Variants in DLGAP1 observed in about 807,000 individuals in gnomAD.
The protein encoded by DLGAP1 is DLG associated protein 1, also known as disks large-associated protein 1.
Under a neutral mutation model 90.8 loss-of-function variants are expected in DLGAP1, and 11 were observed. The ratio of observed to expected loss-of-function variants is 0.12; its 90% CI spans 0.08 to 0.20. The LOEUF (loss-of-function observed/expected upper bound fraction) is 0.20, where lower values mean the gene tolerates loss of function less well. Among genes scored for constraint, DLGAP1 ranks in the 10% least tolerant of loss-of-function variants. The pLI, the probability that DLGAP1 is intolerant of heterozygous loss-of-function variation, is 1.00. For missense variants in DLGAP1, 1,050 were observed against 1,333.8 expected, an observed-to-expected ratio of 0.79 and a Z score of 3.31; for synonymous variants, 558 against 540.7, an observed-to-expected ratio of 1.03 and a Z score of -0.44.
intron 3 of DLGAP1, among the ~76,000 whole-genome samples, chr18:3,961,800 T>C (rs2073203182): frequency 6.6e-6 from 1 of 152,152 alleles, no homozygotes; most frequent in African/African-American, 2.4e-5. Context: ...AGGGGAAGCA[T>C]GGGCTTGGGG....
At chr18:4,172,409 A>T (rs1246067505) in intron 1 of DLGAP1, among the ~76,000 whole-genome samples, 1 of 152,216 alleles carries the variant, frequency 6.6e-6, no homozygotes, top group Non-Finnish European at 1.5e-5. Context: ...TACACAGGCA[A>T]CTTTCTAAAT....
At chr18:4,264,430 G>A (rs1798923232) in intron 1 of DLGAP1, among the ~76,000 whole-genome samples, 1 of 152,180 alleles carries the variant, frequency 6.6e-6, no homozygotes, top group Non-Finnish European at 1.5e-5. Context: ...CTTAATCCTT[G>A]ATGATCTGTC....
Position 3,939,075 on chromosome 18 carries a change from T to C in DLGAP1, c.-72-58935A>G, listed in dbSNP as rs1259912804. On this transcript the variant is annotated intron_variant, in intron 3 of 12. Transcript: ENST00000315677. ...GGTGGCAGAAGTGTATTATTGAAAA[T>C]TGTGCAGCAATGAACCTAATAGCAA... 2.0e-5 allele frequency among the ~76,000 whole-genome samples: 3 copies of C among 152,054 alleles called. No homozygotes were observed. In the East Asian group the frequency reaches 5.8e-4, roughly 29 times the overall value.
rs1271775983 is a variant in DLGAP1 at position 3,561,272 on chromosome 18, A to C, written c.2057+6218T>G. Among the ~76,000 whole-genome samples the C allele has an allele frequency of 1.1e-3, 151 of 139,870 alleles. 9 individuals carry two copies. The highest frequency in any genetic ancestry group is 3.6e-3 in the African/African-American group (131 of 36,290). The allele number at this position is 139,870 out of a possible 152,430, so 91.8% of individuals were successfully genotyped here. A position where few individuals can be genotyped will look rare whatever the true frequency, so the allele number is the denominator to read the frequency against. ...CTCTACTAAAAAAAAAAAACAAAAA[A>C]AAAAAAACAAACAAAAAATAGCCAG... On this transcript the variant is annotated intron_variant, in intron 9 of 12. Transcript: ENST00000315677.
intron 4 of DLGAP1, among the ~76,000 whole-genome samples, chr18:3,833,060 A>G (rs72863410): frequency 0.15 from 22,752 of 151,652 alleles, 1,883 homozygotes; most frequent in South Asian, 0.25. Context: ...AAATAACAGT[A>G]GCTTTTGTTG....
intron 9 of DLGAP1, among the ~76,000 whole-genome samples, chr18:3,536,705 C>G (rs188336237): frequency 6.6e-6 from 1 of 152,140 alleles, no homozygotes; most frequent in Non-Finnish European, 1.5e-5. Context: ...ACAGTTCTAG[C>G]GAGGTGATGA....
intron 1 of DLGAP1, among the ~76,000 whole-genome samples, chr18:4,255,624 C>T (rs117516681): frequency 3.0e-3 from 462 of 151,946 alleles, no homozygotes; most frequent in Non-Finnish European, 4.8e-3. Flanking sequence ...AATGAAACCC[C>T]GCATCTTTCT....
Position 3,547,727 on chromosome 18 carries a change from C to A in DLGAP1, c.2058-13112G>T, listed in dbSNP as rs79000798. ...CGAATTCCTATATTAACTAGTAATT[C>A]TATTCTTAGGTATATATCAAAAAGA... On this transcript the variant is annotated intron_variant, in intron 9 of 12. Transcript: ENST00000315677. 5.2e-3 allele frequency among the ~76,000 whole-genome samples: 784 copies of A among 152,230 alleles called. 10 individuals are homozygous for A. The highest frequency in any genetic ancestry group is 0.018 in the African/African-American group (752 of 41,530).
At chr18:3,856,403 T>C (rs2069645797) in intron 4 of DLGAP1, among the ~76,000 whole-genome samples, 2 of 152,128 alleles carry the variant, frequency 1.3e-5, no homozygotes, top group Admixed American at 6.5e-5. Context: ...AATGGCCCAA[T>C]TTTTTTGTTA....
At chr18:4,186,674 T>G (rs2077301223) in intron 1 of DLGAP1, among the ~76,000 whole-genome samples, 1 of 152,196 alleles carries the variant, frequency 6.6e-6, no homozygotes, top group Non-Finnish European at 1.5e-5. Flanking sequence ...TTTTGGTTAC[T>G]GTAGCCCTGT....
intron 1 of DLGAP1, among the ~76,000 whole-genome samples, chr18:4,249,154 T>C (rs972933599): frequency 1.3e-5 from 2 of 152,168 alleles, no homozygotes; most frequent in Non-Finnish European, 2.9e-5. Context: ...GCCTTATATG[T>C]TGTAATCACT....
At chr18:3,931,122 C>T (rs1266416826) in intron 3 of DLGAP1, among the ~76,000 whole-genome samples, 1 of 152,216 alleles carries the variant, frequency 6.6e-6, no homozygotes, top group African/African-American at 2.4e-5. Flanking sequence ...CACCGGCTCA[C>T]TCTACCAAGT....
At chr18:4,202,778 G>C (rs1438888288) in intron 1 of DLGAP1, among the ~76,000 whole-genome samples, 2 of 152,130 alleles carry the variant, frequency 1.3e-5, no homozygotes, top group Non-Finnish European at 2.9e-5. Context: ...CTGGCAGAAG[G>C]AAGACAGGAG....
chr18:3,750,206 T>C (rs2063441834), intron 5 of DLGAP1, among the ~76,000 whole-genome samples: 1 of 152,246 alleles, frequency 6.6e-6, no homozygotes, highest in African/African-American at 2.4e-5. Context: ...CTCCCATTTA[T>C]AAGTGACAAC....
At chr18:3,766,525 T>G (rs2064251117) in intron 5 of DLGAP1, among the ~76,000 whole-genome samples, 1 of 152,102 alleles carries the variant, frequency 6.6e-6, no homozygotes, top group Non-Finnish European at 1.5e-5. Context: ...GAATACTCAT[T>G]GTTTCCAAGT....
chr18:3,757,036 C>T (rs1222612757), intron 5 of DLGAP1, among the ~76,000 whole-genome samples: 2 of 152,054 alleles, frequency 1.3e-5, no homozygotes, highest in Non-Finnish European at 2.9e-5. Context: ...GTCTATCAAC[C>T]CTTCCAGAAA....
At chr18:3,956,125 A>G (rs2073078038) in intron 3 of DLGAP1, among the ~76,000 whole-genome samples, 1 of 152,212 alleles carries the variant, frequency 6.6e-6, no homozygotes, top group Non-Finnish European at 1.5e-5. Context: ...GCACATCACA[A>G]TCAAACTGTA....
At chr18:3,613,523 A>C (rs2057724126) in intron 7 of DLGAP1, among the ~76,000 whole-genome samples, 1 of 151,886 alleles carries the variant, frequency 6.6e-6, no homozygotes, top group South Asian at 2.1e-4. Context: ...AATTTTGCAG[A>C]GATGGGGGTC....
At chr18:3,796,406 TA>T (rs2065993273) in intron 5 of DLGAP1, among the ~76,000 whole-genome samples, 2 of 152,226 alleles carry the variant, frequency 1.3e-5, no homozygotes, top group Non-Finnish European at 2.9e-5. Context: ...GGCTGTTTAA[TA>T]ATCAAATGAG....
Sources: gnomAD v4.1 joint callset for allele counts (sites outside exome capture counted in the v4.1 genomes callset) on GRCh38, gnomAD v4.1.1 for gene constraint, MANE v1.5 for transcripts, NCBI Gene and HGNC (gene_info 2026-07-23, HGNC 2026-07-21) for gene names.